Variants in CNTN5 observed in about 807,000 individuals in gnomAD.
CNTN5 encodes contactin-5.
In CNTN5, 77 loss-of-function variants were observed where a neutral mutation model predicts 129.1. That is an observed-to-expected ratio of 0.60 (90% CI 0.50 to 0.72). The LOEUF (loss-of-function observed/expected upper bound fraction) is 0.72, where lower values mean the gene tolerates loss of function less well. CNTN5 is among the 30% of genes least tolerant of loss of function. The probability of loss-of-function intolerance (pLI) is 0.00; values close to 1 mark genes in which losing one functional copy is unlikely to be tolerated. For missense variants in CNTN5, 1,478 were observed against 1,328.8 expected (o/e 1.11, Z -1.75); for synonymous variants, 509 against 465.6 (o/e 1.09, Z -1.20).
intron 1 of CNTN5, among the ~76,000 whole-genome samples, chr11:99,169,701 G>A (rs1000578917): frequency 2.6e-5 from 4 of 152,004 alleles, no homozygotes; most frequent in Non-Finnish European, 5.9e-5. Context: ...AAAAGAGGAA[G>A]ATAAAGGGTT....
intron 2 of CNTN5, among the ~76,000 whole-genome samples, chr11:99,368,615 A>G (rs574775025): frequency 6.6e-6 from 1 of 152,300 alleles, no homozygotes; most frequent in Admixed American, 6.5e-5. Context: ...CATATTGAAC[A>G]CTGTGTAGGT....
At chr11:99,162,792 T>C (rs1860678938) in intron 1 of CNTN5, among the ~76,000 whole-genome samples, 1 of 152,134 alleles carries the variant, frequency 6.6e-6, no homozygotes, top group Non-Finnish European at 1.5e-5. Flanking sequence ...AATAAATGGA[T>C]TACAATTTTT....
chr11:99,309,835 T>C (rs1341432886), intron 1 of CNTN5, among the ~76,000 whole-genome samples: 1 of 152,186 alleles, frequency 6.6e-6, no homozygotes. Context: ...ATTTAACTAT[T>C]AATATACATT....
chr11:99,158,878 T>C (rs184503006), intron 1 of CNTN5, among the ~76,000 whole-genome samples: 4 of 152,294 alleles, frequency 2.6e-5, no homozygotes, highest in East Asian at 3.9e-4. Context: ...CAGGGTTATA[T>C]AAACCTTCAG....
intron 12 of CNTN5, among the ~76,000 whole-genome samples, chr11:100,073,187 C>CA (rs1350588435): frequency 6.6e-6 from 1 of 151,876 alleles, no homozygotes; most frequent in Non-Finnish European, 1.5e-5. Context: ...GCTGAGACTA[C>CA]AGGCACCCAC....
intron 6 of CNTN5, among the ~76,000 whole-genome samples, chr11:99,897,769 A>C (rs1403624883): frequency 6.6e-6 from 1 of 152,176 alleles, no homozygotes; most frequent in Non-Finnish European, 1.5e-5. Flanking sequence ...TAACAACACT[A>C]TGTCAGGAAT....
At chr11:99,459,047 A>C (rs1944594896) in intron 2 of CNTN5, among the ~76,000 whole-genome samples, 1 of 152,026 alleles carries the variant, frequency 6.6e-6, no homozygotes, top group Admixed American at 6.6e-5. Context: ...TAAACTACTA[A>C]AATGTTTTTG....
intron 21 of CNTN5, 28 bp downstream of exon 21, chr11:100,308,496 C>T (rs2138922101): frequency 6.3e-7 from 1 of 1,590,784 alleles, no homozygotes; most frequent in African/African-American, 1.4e-5. Context: ...GAAAATAAGC[C>T]TTATTGTTTC....
At chr11:99,213,497 T>TAC (rs1304649724) in intron 1 of CNTN5, among the ~76,000 whole-genome samples, 3 of 145,606 alleles carry the variant, frequency 2.1e-5, no homozygotes, top group East Asian at 2.0e-4. Flanking sequence ...TATATATATA[T>TAC]ACACATATAT....
intron 13 of CNTN5, among the ~76,000 whole-genome samples, chr11:100,186,505 A>T (rs1948304835): frequency 6.6e-6 from 1 of 152,172 alleles, no homozygotes; most frequent in Non-Finnish European, 1.5e-5. Flanking sequence ...TCCTACATGA[A>T]CTGGGCTACT....
At chr11:99,238,651 T>A (rs995487929) in intron 1 of CNTN5, among the ~76,000 whole-genome samples, 2 of 152,168 alleles carry the variant, frequency 1.3e-5, no homozygotes, top group Non-Finnish European at 2.9e-5. Flanking sequence ...ATCTTGTTAG[T>A]ATGCTAAAAT....
At chr11:99,149,026 T>C (rs1859921572) in intron 1 of CNTN5, among the ~76,000 whole-genome samples, 1 of 152,140 alleles carries the variant, frequency 6.6e-6, no homozygotes, top group Admixed American at 6.6e-5. Context: ...TAATGAGTAA[T>C]AAGGAAAATG....
chr11:99,853,996 T>C (rs1270891900), intron 6 of CNTN5, among the ~76,000 whole-genome samples: 1 of 152,194 alleles, frequency 6.6e-6, no homozygotes, highest in East Asian at 1.9e-4. Flanking sequence ...GCATTACATT[T>C]TTGTTTTGCA....
chr11:99,924,574 C>T (rs1281953565), intron 7 of CNTN5, among the ~76,000 whole-genome samples: 2 of 151,880 alleles, frequency 1.3e-5, no homozygotes, highest in East Asian at 3.9e-4. Flanking sequence ...AATTCAGGGG[C>T]CTCTATTCTG....
At chr11:99,827,366 A>T (rs1163978656) in intron 4 of CNTN5, among the ~76,000 whole-genome samples, 1 of 152,152 alleles carries the variant, frequency 6.6e-6, no homozygotes, top group Non-Finnish European at 1.5e-5. Context: ...TGGGATTACA[A>T]GCATGAGCCA....
intron 3 of CNTN5, among the ~76,000 whole-genome samples, chr11:99,619,213 T>C (rs1950853917): frequency 6.6e-6 from 1 of 152,046 alleles, no homozygotes; most frequent in Non-Finnish European, 1.5e-5. Context: ...TATATTAGAT[T>C]TTAACAATGT....
chr11:100,079,480 A>G (rs1005786644), intron 13 of CNTN5, among the ~76,000 whole-genome samples: 2 of 152,024 alleles, frequency 1.3e-5, no homozygotes, highest in Non-Finnish European at 2.9e-5. Context: ...GGCATTGAAA[A>G]TCTCATCTCC....
Position 99,092,801 on chromosome 11 carries a change from T to C in CNTN5, c.-210+71531T>C, listed in dbSNP as rs567661670. Among the ~76,000 whole-genome samples the C allele has an allele frequency of 3.9e-5, 6 of 152,192 alleles. No homozygotes were observed. The South Asian group carries it at 1.0e-3, about 26-fold the overall frequency. ...TTTGTATTCAGGTGCAGAAAATATA[T>C]ACAAAAATCTAATGATAATTGTAGC... On this transcript the variant is annotated intron_variant, in intron 1 of 24. Coordinates refer to ENST00000524871, the MANE Select transcript of CNTN5 (RefSeq NM_014361.4).
intron 15 of CNTN5, among the ~76,000 whole-genome samples, chr11:100,196,702 T>G (rs1239746962): frequency 1.3e-5 from 2 of 151,994 alleles, no homozygotes; most frequent in Non-Finnish European, 2.9e-5. Context: ...TTTTACAAAC[T>G]CAGCAATTTG....
Sources: allele counts gnomAD v4.1 joint callset (sites outside exome capture counted in the v4.1 genomes callset), GRCh38; gene constraint gnomAD v4.1.1; transcripts MANE v1.5; gene names NCBI Gene and HGNC (gene_info 2026-07-23, HGNC 2026-07-21).